Variants in C11orf65 observed in about 807,000 individuals in gnomAD.
C11orf65 encodes chromosome 11 open reading frame 65.
C11orf65 carries 38 observed loss-of-function variants against 35.3 expected under a neutral mutation model. The ratio of observed to expected loss-of-function variants is 1.08; its 90% CI spans 0.83 to 1.41. The LOEUF is 1.41. Ranked by LOEUF, C11orf65 falls within the 40% of genes most tolerant of loss-of-function variation. The pLI is 0.00. For synonymous variants in C11orf65, 105 were observed against 114.4 expected, an observed-to-expected ratio of 0.92 and a Z score of 0.53; for missense variants, 370 against 367.1, an observed-to-expected ratio of 1.01 and a Z score of -0.06.
chr11:108,321,801 C>CT (rs1491149654), intron 6 of C11orf65, among the ~76,000 whole-genome samples: 1 of 150,526 alleles, frequency 6.6e-6, no homozygotes, highest in African/African-American at 2.4e-5. Context: ...AAAAAAAAAA[C>CT]TATGTAGAGA....
chr11:108,327,124 G>A (rs1010615077), downstream of C11orf65, among the ~76,000 whole-genome samples: 4 of 152,084 alleles, frequency 2.6e-5, no homozygotes, highest in East Asian at 1.9e-4. Context: ...CACCACGCCC[G>A]GCCTTTACTG....
At chr11:108,398,711 T>C (rs1219264771) in intron 6 of C11orf65, among the ~76,000 whole-genome samples, 2 of 152,214 alleles carry the variant, frequency 1.3e-5, no homozygotes, top group East Asian at 1.9e-4. Flanking sequence ...ATGGCACATA[T>C]GGTAGGTGAA....
Position 108,382,759 on chromosome 11 carries a change from A to G in C11orf65, c.*262T>C, listed in dbSNP as rs2091892015. On this transcript the variant is annotated 3_prime_UTR_variant, in exon 9 of 9. Transcript: ENST00000393084. Reference sequence around the variant, plus strand: ...AAATAATCAGTCTGAAGCTTCTTGCACCTAAATGTAGTCTCTTTACTTAAG... The same window carrying G: ...AAATAATCAGTCTGAAGCTTCTTGCGCCTAAATGTAGTCTCTTTACTTAAG... 5.1e-6 allele frequency: 5 copies of G among 983,186 alleles called. No individual in the cohort carries two copies. The highest frequency in any genetic ancestry group is 4.8e-6 in the Non-Finnish European group (4 of 828,050). 60.9% of individuals were successfully genotyped at this position (983,186 alleles called of 1,614,324 possible).
At chr11:108,435,264 T>C (rs551558079) in intron 2 of C11orf65, among the ~76,000 whole-genome samples, 1 of 152,080 alleles carries the variant, frequency 6.6e-6, no homozygotes, top group South Asian at 2.1e-4. Context: ...ATACCAATGT[T>C]AAAATGGAAA....
At chr11:108,356,906 A>G (rs1207711731) in intron 2 of C11orf65, among the ~76,000 whole-genome samples, 1 of 152,194 alleles carries the variant, frequency 6.6e-6, no homozygotes, top group African/African-American at 2.4e-5. Context: ...ACCTACAATA[A>G]CTGTCACCTT....
rs116791051 is a variant in C11orf65 at position 108,455,145 on chromosome 11, T to C, written c.81+6334A>G. ...TATGACAAGCCCACAGCTAACATCATACTCAATGGTGAAAAGTTAAAAGTT... is the reference window on the plus strand; with the variant it reads ...TATGACAAGCCCACAGCTAACATCACACTCAATGGTGAAAAGTTAAAAGTT... On this transcript the variant is annotated intron_variant, in intron 2 of 8. Coordinates refer to ENST00000393084, the MANE Select transcript of C11orf65 (RefSeq NM_152587.5). Among the ~76,000 whole-genome samples, 800 of 152,248 alleles carry C rather than the reference T, an allele frequency of 5.3e-3. 8 individuals are homozygous for C. The highest frequency in any genetic ancestry group is 0.019 in the African/African-American group (770 of 41,552).
chr11:108,373,855 G>A (rs973629765), intron 2 of C11orf65, among the ~76,000 whole-genome samples: 31 of 152,218 alleles, frequency 2.0e-4, no homozygotes, highest in African/African-American at 6.0e-4. Flanking sequence ...CTTAGGAAAC[G>A]GTGCACCAGG....
At chr11:108,463,279 G>A (rs1248118799) in intron 1 of C11orf65, among the ~76,000 whole-genome samples, 1 of 152,010 alleles carries the variant, frequency 6.6e-6, no homozygotes, top group African/African-American at 2.4e-5. Flanking sequence ...CTTTCAAAAA[G>A]GATACGCCAT....
downstream of C11orf65, among the ~76,000 whole-genome samples, chr11:108,380,230 C>A (rs557159178): frequency 6.6e-6 from 1 of 152,208 alleles, no homozygotes; most frequent in South Asian, 2.1e-4. Flanking sequence ...TAGGTATAGC[C>A]CTAAAGAACA....
At chr11:108,424,576 C>T (rs934029889) in intron 3 of C11orf65, among the ~76,000 whole-genome samples, 2 of 152,040 alleles carry the variant, frequency 1.3e-5, no homozygotes, top group Non-Finnish European at 2.9e-5. Flanking sequence ...GACTTTAACA[C>T]CCCCCTGTCA....
intron 6 of C11orf65, chr11:108,325,973 A>C: frequency 6.8e-7 from 1 of 1,472,194 alleles, no homozygotes; most frequent in Non-Finnish European, 9.3e-7. Context: ...AATGAATGGT[A>C]GTTGCTGCTT....
rs879254132 is a variant in C11orf65, at chr11:108,325,417, G to A, written c.641-16346C>T. 5 of 1,613,466 alleles carry A rather than the reference G, an allele frequency of 3.1e-6. No homozygotes were observed. Among genetic ancestry groups the A allele is most frequent in the African/African-American group, 1.3e-5 (1 of 74,918 alleles). The stretch of plus-strand genomic sequence containing the variant: ...TTTCAGGAGCCTATCATGGCTCTAC[G>A]CACAGTCATTTTGGAGATCCTGATG... On this transcript the variant is annotated intron_variant, in intron 6 of 6. Coordinates refer to the C11orf65 transcript ENST00000525729.
intron 2 of C11orf65, among the ~76,000 whole-genome samples, chr11:108,358,794 A>C (rs1591345156): frequency 1.3e-5 from 2 of 149,590 alleles, no homozygotes; most frequent in Non-Finnish European, 3.0e-5. Context: ...TCCTGAAGGA[A>C]GCACTAAACA....
At chr11:108,325,249 G>GTTTTT (rs11366542) in intron 6 of C11orf65, 11 of 566,204 alleles carry the variant, frequency 1.9e-5, no homozygotes, top group African/African-American at 9.6e-5. Context: ...AACTTACATA[G>GTTTTT]TTTTTTTTTT....
intron 6 of C11orf65, among the ~76,000 whole-genome samples, chr11:108,398,685 C>T (rs2092373387): frequency 6.6e-6 from 1 of 152,166 alleles, no homozygotes; most frequent in African/African-American, 2.4e-5. Flanking sequence ...CTGTCAAAGC[C>T]AGCTGTTTCT....
At chr11:108,380,886 C>T (rs1389053374), downstream of C11orf65, among the ~76,000 whole-genome samples, 1 of 152,088 alleles carries the variant, frequency 6.6e-6, no homozygotes, top group African/African-American at 2.4e-5. Flanking sequence ...TATCTAAGGA[C>T]CTATAAAATG....
intron 2 of C11orf65, among the ~76,000 whole-genome samples, chr11:108,443,070 A>T (rs1448381303): frequency 6.6e-6 from 1 of 152,154 alleles, no homozygotes; most frequent in African/African-American, 2.4e-5. Context: ...TATTCAGGAG[A>T]CCCATCTCAT....
chr11:108,400,669 G>A (rs1290499054), intron 6 of C11orf65, among the ~76,000 whole-genome samples: 1 of 152,122 alleles, frequency 6.6e-6, no homozygotes, highest in African/African-American at 2.4e-5. Flanking sequence ...TGGAAGCCTC[G>A]CTGCAATTGT....
intron 2 of C11orf65, chr11:108,335,433 C>T (rs772772355): frequency 1.2e-5 from 7 of 565,012 alleles, no homozygotes; most frequent in South Asian, 7.9e-5. Context: ...TGCAAGTTGA[C>T]GTCCTTTGCA....
Sources: allele counts gnomAD v4.1 joint callset (sites outside exome capture counted in the v4.1 genomes callset), GRCh38; gene constraint gnomAD v4.1.1; transcripts MANE v1.5; gene names NCBI Gene and HGNC (gene_info 2026-07-23, HGNC 2026-07-21).